DCLK3: variants seen among roughly 807,000 people sequenced by gnomAD.
DCLK3 encodes doublecortin like kinase 3, also known as serine/threonine-protein kinase DCLK3.
A neutral mutation model predicts 46.4 loss-of-function variants in DCLK3; 30 were observed. The ratio of observed to expected loss-of-function variants is 0.65; its 90% confidence interval spans 0.48 to 0.88. DCLK3 has a LOEUF of 0.88. Among genes scored for constraint, DCLK3 ranks in the 40% least tolerant of loss-of-function variants. The probability of loss-of-function intolerance (pLI) is 0.00; values close to 1 mark genes in which losing one functional copy is unlikely to be tolerated. For synonymous variants in DCLK3, 401 were observed against 339.2 expected, an observed-to-expected ratio of 1.18 and a Z score of -2.00; for missense variants, 846 against 907.1, an observed-to-expected ratio of 0.93 and a Z score of 0.87.
intron 2 of DCLK3, among the ~76,000 whole-genome samples, chr3:36,730,193 TACACACAC>T (rs55833576): frequency 0.29 from 41,131 of 143,084 alleles, 6,163 homozygotes; most frequent in Non-Finnish European, 0.35. Flanking sequence ...ACACCATATA[TACACACAC>T]ACACACACAC....
Position 36,738,414 on chromosome 3 carries a change from C to A in DCLK3, c.753G>T (p.Glu251Asp). 6.8e-7 allele frequency: 1 copy of A among 1,479,776 alleles called. No homozygotes were observed. The highest frequency in any genetic ancestry group is 9.0e-7 in the Non-Finnish European group (1 of 1,116,958). The allele number at this position is 1,479,776 out of a possible 1,614,324, so 91.7% of individuals were successfully genotyped here. The change falls in exon 2 of 5, where the codon GAG becomes GAT. Residue 251 changes from glutamate (E) to aspartate (D), a missense_variant. Glu to Asp is a conservative substitution (Grantham distance 45). Transcript: ENST00000636136. The part of the protein sequence containing the change: ...AMRHQGKIPE[E>D]LSLDDRARTQ... ...TCCTCGCTCTGTCATCTAGTGAAAG[C>A]TCCTCGGGGATCTTCCCCTGGTGCC...
rs767966305 is a variant in DCLK3 at position 36,737,788 on chromosome 3, C to T, written c.1379G>A (p.Arg460Gln). Residue 460 changes from arginine (R) to glutamine (Q), a missense_variant, in exon 2 of 5, where the codon CGA (arginine) becomes CAA (glutamine). By Grantham distance (43) the Arg-to-Gln change is conservative (BLOSUM62 1). Around this residue, in one of 3 missense-constraint regions of DCLK3, gnomAD observed 553 missense variants for 543.0 expected, o/e 1.02. Transcript: ENST00000636136. This position sits in a 1 kb window ranked among gnomAD's most constrained non-coding sequence, Gnocchi z 4.4. The part of the protein sequence containing the change: ...QAGFEKLRRT[R>Q]GEEKEAEKEK... ...CTTCTCTGCCTCCTTCTCTTCTCCTCGGGTCCTGCGGAGCTTCTCAAAGCC... is the reference window on the plus strand; with the variant it reads ...CTTCTCTGCCTCCTTCTCTTCTCCTTGGGTCCTGCGGAGCTTCTCAAAGCC... 1.8e-5 allele frequency: 29 copies of T among 1,614,152 alleles called. No individual in the cohort carries two copies. The highest frequency in any genetic ancestry group is 1.6e-4 in the Middle Eastern group (1 of 6,062).
At chr3:36,762,966 C>G (rs1379492344) in intron 1 of DCLK3, among the ~76,000 whole-genome samples, 8 of 151,196 alleles carry the variant, frequency 5.3e-5, no homozygotes, top group Non-Finnish European at 8.8e-5. Context: ...TCCTGAGGGT[C>G]TTGCTTCTTG....
chr3:36,763,773 G>A (rs1322105737), intron 1 of DCLK3, among the ~76,000 whole-genome samples: 4 of 152,156 alleles, frequency 2.6e-5, no homozygotes, highest in Non-Finnish European at 5.9e-5. Context: ...CTTAACTCTA[G>A]GTGAAGCGCT....
rs759219274 is a variant in DCLK3 at position 36,738,385 on chromosome 3, T to C, written c.782A>G (p.Gln261Arg). The change falls in exon 2 of 5, where the codon CAG becomes CGG. Residue 261 changes from glutamine (Q) to arginine (R), a missense_variant. Transcript: ENST00000636136. ...ELSLDDRART[Q>R]KKWGRGKWEP... The stretch of plus-strand genomic sequence containing the variant: ...CCATTTCCCCCTCCCCCACTTCTTC[T>C]GGGTCCTCGCTCTGTCATCTAGTGA... 9 of 1,499,830 alleles carry C rather than the reference T, an allele frequency of 6.0e-6. No homozygotes were observed. The highest frequency in any genetic ancestry group is 8.0e-6 in the Non-Finnish European group (9 of 1,127,820). The allele number at this position is 1,499,830 out of a possible 1,614,324, so 92.9% of individuals were successfully genotyped here.
chr3:36,733,815 C>CTAGG (rs1701227263), intron 2 of DCLK3, among the ~76,000 whole-genome samples: 1 of 152,136 alleles, frequency 6.6e-6, no homozygotes, highest in East Asian at 1.9e-4. Context: ...AAATTTTACT[C>CTAGG]TAGGGCACAA....
chr3:36,725,428 G>T (rs1016774348), intron 2 of DCLK3, among the ~76,000 whole-genome samples: 3 of 152,096 alleles, frequency 2.0e-5, no homozygotes, highest in Non-Finnish European at 2.9e-5. Context: ...ACCAGCCTGG[G>T]CAACACGAGG....
intron 1 of DCLK3, among the ~76,000 whole-genome samples, chr3:36,757,762 C>T (rs114357791): frequency 0.011 from 1,666 of 152,302 alleles, 9 homozygotes; most frequent in Non-Finnish European, 0.019. Flanking sequence ...GGACATCTGA[C>T]ACCTGCGGTC....
At chr3:36,758,407 T>C (rs1247467659) in intron 1 of DCLK3, among the ~76,000 whole-genome samples, 2 of 152,162 alleles carry the variant, frequency 1.3e-5, no homozygotes, top group East Asian at 3.9e-4. Flanking sequence ...TGTGGTGATA[T>C]TGAAGGGTGG....
chr3:36,725,132 G>C (rs1444305442), intron 2 of DCLK3, among the ~76,000 whole-genome samples: 2 of 151,922 alleles, frequency 1.3e-5, no homozygotes, highest in Non-Finnish European at 2.9e-5. Flanking sequence ...GGCTAACACG[G>C]TGAAACCCAT....
intron 4 of DCLK3, among the ~76,000 whole-genome samples, chr3:36,715,940 C>T (rs1700974718): frequency 6.6e-6 from 1 of 152,222 alleles, no homozygotes; most frequent in Non-Finnish European, 1.5e-5. Flanking sequence ...AAATGGAGAA[C>T]ACATGCTATA....
At chr3:36,728,595 T>A (rs77243225) in intron 2 of DCLK3, among the ~76,000 whole-genome samples, 1,910 of 152,274 alleles carry the variant, frequency 0.013, 43 homozygotes, top group African/African-American at 0.043. Flanking sequence ...TTCTAGCCTT[T>A]GGGCTCCAAG....
At chr3:36,731,229 C>T (rs1327554759) in intron 2 of DCLK3, among the ~76,000 whole-genome samples, 1 of 152,084 alleles carries the variant, frequency 6.6e-6, no homozygotes, top group Non-Finnish European at 1.5e-5. Context: ...GTACACTTTA[C>T]TTCACCACCT....
chr3:36,761,498 C>T (rs1701538826), intron 1 of DCLK3, among the ~76,000 whole-genome samples: 1 of 152,150 alleles, frequency 6.6e-6, no homozygotes, highest in South Asian at 2.1e-4. Context: ...ACCTACATTA[C>T]CAAGCAGTTA....
intron 3 of DCLK3, among the ~76,000 whole-genome samples, chr3:36,718,804 C>T (rs2125520417): frequency 6.6e-6 from 1 of 152,218 alleles, no homozygotes; most frequent in African/African-American, 2.4e-5. Flanking sequence ...GCTGTATCCC[C>T]ATGTGTGCAC....
Position 36,737,274 on chromosome 3 carries a change from G to T in DCLK3, c.1893C>A (p.Cys631Ter), listed in dbSNP as rs1214906560. 6.2e-7 allele frequency: 1 copy of T among 1,614,178 alleles called. No homozygotes were observed. Among genetic ancestry groups the T allele is most frequent in the Non-Finnish European group, 8.5e-7 (1 of 1,180,024 alleles). Residue 631 changes from cysteine (C) to a stop codon, truncating the protein, a stop_gained, in exon 2 of 5, where the codon TGC becomes TGA. Transcript: ENST00000636136. LOFTEE classifies it high-confidence loss of function. The surrounding 1 kb of genome is among the most constrained non-coding windows in gnomAD (Gnocchi z 4.4). Reference protein sequence around the residue: ...PDAALMIMDLCKALVHMHDKS... With the variant: ...PDAALMIMDL The stretch of plus-strand genomic sequence containing the variant: ...TGTCGTGCATGTGGACGAGGGCTTT[G>T]CATAAGTCCATGATCATGAGGGCAG...
chr3:36,717,900 T>C (rs1162283830), intron 4 of DCLK3, 110 bp downstream of exon 4: 1 of 1,383,552 alleles, frequency 7.2e-7, no homozygotes, highest in Non-Finnish European at 1.0e-6. Flanking sequence ...GGCTGAGACA[T>C]GACATGTTGA....
At chr3:36,757,774 T>G (rs1701499824) in intron 1 of DCLK3, among the ~76,000 whole-genome samples, 1 of 152,156 alleles carries the variant, frequency 6.6e-6, no homozygotes, top group African/African-American at 2.4e-5. Flanking sequence ...CCTGCGGTCC[T>G]CATCCTGGTC....
chr3:36,737,884 T>C lies in DCLK3; in HGVS notation c.1283A>G (p.Glu428Gly), dbSNP rs1163864731. Reference sequence around the variant, plus strand: ...CATGGGCCTGGTGTCCTTCTTCACCTCCCTCAGCCCCTCCTCTGTGACAGG... The same window carrying C: ...CATGGGCCTGGTGTCCTTCTTCACCCCCCTCAGCCCCTCCTCTGTGACAGG... ...VLPVTEEGLR[E>G]VKKDTRPMSR... Residue 428 changes from glutamate (E) to glycine (G), a missense_variant, in exon 2 of 5, where the codon GAG (glutamate) becomes GGG (glycine). Glu to Gly is a moderately conservative substitution (Grantham distance 98, BLOSUM62 -2). Coordinates refer to ENST00000636136, the MANE Select transcript of DCLK3 (RefSeq NM_001394672.2). The surrounding 1 kb of genome is among the most constrained non-coding windows in gnomAD (Gnocchi z 4.4). 1 of 1,613,952 alleles carries C rather than the reference T, an allele frequency of 6.2e-7. No homozygotes were observed.
Sources: gnomAD v4.1 joint callset for allele counts (sites outside exome capture counted in the v4.1 genomes callset) on GRCh38, gnomAD v4.1.1 for gene constraint, gnomAD v4.1.1 regional missense constraint, Gnocchi (gnomAD v3.1) non-coding constraint, MANE v1.5 for transcripts, NCBI Gene and HGNC (gene_info 2026-07-23, HGNC 2026-07-21) for gene names.